The following SUGCT variants were observed in gnomAD, a reference collection of about 807,000 sequenced individuals.
SUGCT encodes the protein succinyl-CoA:glutarate CoA-transferase.
Under a neutral mutation model 55.0 loss-of-function variants are expected in SUGCT, and 41 were observed. That is an observed-to-expected ratio of 0.74 (90% CI 0.58 to 0.97). SUGCT has a LOEUF of 0.97. Among genes scored for constraint, SUGCT ranks in the 50% least tolerant of loss-of-function variants. The pLI is 0.00. For synonymous variants in SUGCT, 187 were observed against 200.4 expected (o/e 0.93, Z 0.56); for missense variants, 568 against 547.8 (o/e 1.04, Z -0.37).
intron 13 of SUGCT, among the ~76,000 whole-genome samples, chr7:40,750,762 A>G (rs1405117839): frequency 1.3e-5 from 2 of 152,226 alleles, no homozygotes; most frequent in Admixed American, 1.3e-4. Context: ...GAGAGCAGGT[A>G]TAAGCAAATG....
intron 9 of SUGCT, among the ~76,000 whole-genome samples, chr7:40,442,727 T>A (rs1788583266): frequency 6.6e-6 from 1 of 152,154 alleles, no homozygotes; most frequent in East Asian, 1.9e-4. Context: ...AAAAAGCTCA[T>A]TTTTAAAAAT....
the SUGCT span, among the ~76,000 whole-genome samples, chr7:41,038,553 G>A: frequency 2.0e-5 from 3 of 152,114 alleles, no homozygotes; most frequent in Admixed American, 6.5e-5. Flanking sequence ...ACTCTTCTGT[G>A]ACCGGTGCTA....
chr7:40,854,464 CTTTCTTTCTT>C (rs1563050827), intron 13 of SUGCT, among the ~76,000 whole-genome samples: 16 of 137,750 alleles, frequency 1.2e-4, no homozygotes, highest in African/African-American at 3.9e-4. Flanking sequence ...TTCTTTCTTT[CTTTCTTTCTT>C]TCTCTTTCTC....
At chr7:40,500,853 TCACA>T (rs1221016611) in intron 12 of SUGCT, among the ~76,000 whole-genome samples, 1 of 150,770 alleles carries the variant, frequency 6.6e-6, no homozygotes, top group African/African-American at 2.4e-5. Flanking sequence ...GACCTTTCTA[TCACA>T]CACACACACA....
At chr7:41,030,177 C>T in the SUGCT span, among the ~76,000 whole-genome samples, 1 of 151,974 alleles carries the variant, frequency 6.6e-6, no homozygotes, top group South Asian at 2.1e-4. Context: ...TTGGCTACCA[C>T]TTTTTGTCAG....
the SUGCT span, among the ~76,000 whole-genome samples, chr7:40,974,087 T>G: frequency 6.6e-6 from 1 of 152,218 alleles, no homozygotes; most frequent in African/African-American, 2.4e-5. Flanking sequence ...TGGTTTATTT[T>G]TGTCCCCACA....
chr7:40,429,837 A>G (rs1462423310), intron 9 of SUGCT, among the ~76,000 whole-genome samples: 1 of 152,152 alleles, frequency 6.6e-6, no homozygotes, highest in Non-Finnish European at 1.5e-5. Flanking sequence ...TAACCATCAC[A>G]CATAGTACCC....
chr7:40,948,468 T>C, the SUGCT span, among the ~76,000 whole-genome samples: 6 of 131,932 alleles, frequency 4.5e-5, no homozygotes, highest in African/African-American at 1.6e-4. Flanking sequence ...ATGATGATGA[T>C]GATGATGCTT....
chr7:40,610,595 C>T (rs938474195), intron 12 of SUGCT, among the ~76,000 whole-genome samples: 2 of 152,138 alleles, frequency 1.3e-5, no homozygotes, highest in Non-Finnish European at 1.5e-5. Flanking sequence ...TTCAGACATT[C>T]GACTTGTAAC....
At chr7:40,784,164 C>T (rs1465793700) in intron 13 of SUGCT, among the ~76,000 whole-genome samples, 1 of 152,050 alleles carries the variant, frequency 6.6e-6, no homozygotes, top group African/African-American at 2.4e-5. Flanking sequence ...ATGGTTTGAG[C>T]ATGGCTTCCG....
the SUGCT span, among the ~76,000 whole-genome samples, chr7:40,949,865 G>A: frequency 2.0e-5 from 3 of 152,128 alleles, no homozygotes; most frequent in African/African-American, 7.2e-5. Context: ...TAGCCTTATG[G>A]TATAGTATCG....
chr7:40,633,481 A>G (rs979796938), intron 12 of SUGCT, among the ~76,000 whole-genome samples: 2 of 152,248 alleles, frequency 1.3e-5, no homozygotes, highest in African/African-American at 4.8e-5. Context: ...TGACATGTAG[A>G]CAAGTATTTA....
At chr7:40,301,009 A>AT (rs1300480748) in intron 8 of SUGCT, among the ~76,000 whole-genome samples, 1 of 152,220 alleles carries the variant, frequency 6.6e-6, no homozygotes, top group Non-Finnish European at 1.5e-5. Context: ...CACAGTTGTC[A>AT]TGCAAACTCA....
Position 40,453,912 on chromosome 7 carries a change from A to C in SUGCT, c.888+4554A>C, listed in dbSNP as rs78771185. Among the ~76,000 whole-genome samples the C allele has an allele frequency of 9.6e-3, 1,460 of 152,320 alleles. 25 individuals carry two copies. Among genetic ancestry groups the C allele is most frequent in the African/African-American group, 0.033 (1,364 of 41,566 alleles). ...TAACAACGCTCTAACAAGCATCACA[A>C]ACACTGTTTAATAAATGGGATATAG... On this transcript the variant is annotated intron_variant, in intron 10 of 13. Coordinates refer to ENST00000335693, the MANE Select transcript of SUGCT (RefSeq NM_001193313.2).
rs578081070 is a variant in SUGCT at position 40,637,855 on chromosome 7, G to A, written c.1090-111579G>A. ...GTATGAAAGGTTTAGAAGGCATAACGTTTCTATACAATCAGCCAATGTGGA... is the reference window on the plus strand; with the variant it reads ...GTATGAAAGGTTTAGAAGGCATAACATTTCTATACAATCAGCCAATGTGGA... On this transcript the variant is annotated intron_variant, in intron 12 of 13. Transcript: ENST00000335693. Among the ~76,000 whole-genome samples the A allele has an allele frequency of 4.6e-5, 7 of 152,308 alleles. No homozygotes were observed. The South Asian group carries it at 6.2e-4, about 14-fold the overall frequency.
chr7:40,895,734 C>G, the SUGCT span, among the ~76,000 whole-genome samples: 1 of 151,954 alleles, frequency 6.6e-6, no homozygotes, highest in Non-Finnish European at 1.5e-5. Flanking sequence ...ACCACAAAGT[C>G]CTCAAATAGT....
intron 1 of SUGCT, among the ~76,000 whole-genome samples, chr7:40,158,332 A>C (rs574504496): frequency 2.6e-4 from 40 of 152,380 alleles, no homozygotes; most frequent in Non-Finnish European, 4.3e-4. Context: ...GTATTAATGC[A>C]TTAAGTTATG....
chr7:40,493,669 C>T (rs565039026), intron 11 of SUGCT, among the ~76,000 whole-genome samples: 1 of 152,222 alleles, frequency 6.6e-6, no homozygotes, highest in African/African-American at 2.4e-5. Context: ...CCAGTGAAGG[C>T]CCTAGGTTCA....
intron 7 of SUGCT, among the ~76,000 whole-genome samples, chr7:40,273,210 G>A (rs957979283): frequency 1.3e-5 from 2 of 152,062 alleles, no homozygotes; most frequent in African/African-American, 4.8e-5. Flanking sequence ...CCTTGAAATT[G>A]TATTGAAAAG....
Sources: gnomAD v4.1 joint callset for allele counts (sites outside exome capture counted in the v4.1 genomes callset) on GRCh38, gnomAD v4.1.1 for gene constraint, MANE v1.5 for transcripts, NCBI Gene and HGNC (gene_info 2026-07-23, HGNC 2026-07-21) for gene names.